Variants in AK5 observed in about 807,000 individuals in gnomAD.
AK5 encodes adenylate kinase isoenzyme 5.
A neutral mutation model predicts 69.5 loss-of-function variants in AK5; 27 were observed. The observed-to-expected ratio is 0.39, with a 90% CI of 0.29 to 0.54. The LOEUF (loss-of-function observed/expected upper bound fraction) is 0.54. Ranked by LOEUF, AK5 falls within the 20% of genes least tolerant of loss-of-function variation. The pLI is 0.71. For synonymous variants in AK5, 260 were observed against 244.4 expected (o/e 1.06, Z -0.60); for missense variants, 531 against 700.4 (o/e 0.76, Z 2.73).
chr1:77,400,440 TA>T (rs938094364), intron 6 of AK5, among the ~76,000 whole-genome samples: 1 of 152,194 alleles, frequency 6.6e-6, no homozygotes, highest in African/African-American at 2.4e-5. Flanking sequence ...TTAAAATTGA[TA>T]AAAAATGTAT....
chr1:77,369,132 T>C, intron 6 of AK5, among the ~76,000 whole-genome samples: 1 of 152,276 alleles, frequency 6.6e-6, no homozygotes, highest in Middle Eastern at 3.4e-3. Context: ...TTTAAAATGT[T>C]TTATAAAAAA....
At chr1:77,322,444 G>C (rs12095801) in intron 5 of AK5, among the ~76,000 whole-genome samples, 18,317 of 152,108 alleles carry the variant, frequency 0.12, 1,304 homozygotes, top group Middle Eastern at 0.23. Flanking sequence ...GGGGGTTGCT[G>C]AGTCATTGCA....
chr1:77,517,467 C>T (rs896993980), intron 10 of AK5, among the ~76,000 whole-genome samples: 1 of 152,204 alleles, frequency 6.6e-6, no homozygotes, highest in African/African-American at 2.4e-5. Context: ...ATGGATTTAA[C>T]TTCTCTGTGC....
At chr1:77,293,986 T>G in intron 3 of AK5, 26 bp downstream of exon 3, 2 of 1,595,324 alleles carry the variant, frequency 1.3e-6, no homozygotes, top group Non-Finnish European at 8.5e-7. Context: ...GCAAAAATTC[T>G]CATACCGTTG....
chr1:77,410,759 A>G (rs1649990066), intron 6 of AK5, among the ~76,000 whole-genome samples: 1 of 152,046 alleles, frequency 6.6e-6, no homozygotes, highest in Non-Finnish European at 1.5e-5. Flanking sequence ...ACTTTTTTTT[A>G]ACCATAAGTG....
intron 12 of AK5, among the ~76,000 whole-genome samples, chr1:77,528,798 C>T (rs144629459): frequency 1.4e-4 from 21 of 152,272 alleles, no homozygotes; most frequent in African/African-American, 5.1e-4. Flanking sequence ...AGCTGAGAAC[C>T]CCTGGTTATA....
chr1:77,478,734 C>T (rs888550634), intron 8 of AK5, among the ~76,000 whole-genome samples: 7 of 152,194 alleles, frequency 4.6e-5, no homozygotes, highest in Admixed American at 2.6e-4. Context: ...GTGAACCCAT[C>T]TGTGAGACTA....
intron 5 of AK5, among the ~76,000 whole-genome samples, chr1:77,322,190 G>T (rs1660570036): frequency 6.6e-6 from 1 of 152,204 alleles, no homozygotes; most frequent in Non-Finnish European, 1.5e-5. Flanking sequence ...TGCATCAGAA[G>T]AATGAATAGT....
At chr1:77,414,698 T>A (rs1201757010) in intron 7 of AK5, among the ~76,000 whole-genome samples, 1 of 152,178 alleles carries the variant, frequency 6.6e-6, no homozygotes, top group Non-Finnish European at 1.5e-5. Context: ...AATTGAAAAA[T>A]TCAAAACGGG....
At chr1:77,540,152 A>G (rs181570017) in intron 13 of AK5, among the ~76,000 whole-genome samples, 132 of 152,300 alleles carry the variant, frequency 8.7e-4, no homozygotes, top group African/African-American at 3.1e-3. Flanking sequence ...ATTTCAAACA[A>G]AGATAATTTT....
chr1:77,433,784 T>G (rs1039757549), intron 8 of AK5, among the ~76,000 whole-genome samples: 2 of 150,192 alleles, frequency 1.3e-5, no homozygotes, highest in East Asian at 4.1e-4. Flanking sequence ...GGCTATAAAA[T>G]TTTTTATCAG....
In AK5 at chr1:77,306,494, G is replaced by GT. The variant is rs869202567; in HGVS notation, c.699+8564dup. Among the ~76,000 whole-genome samples, 679 of 120,346 alleles carry GT rather than the reference G, an allele frequency of 5.6e-3. 8 individuals are homozygous for GT. Among genetic ancestry groups the GT allele is most frequent in the East Asian group, 0.049 (180 of 3,692 alleles). The allele number at this position is 120,346 out of a possible 152,430, so 79.0% of individuals were successfully genotyped here. ...AATTCAATTTGCTAGGTTTTTTTTT[G>GT]TTTTTTTTTTTTTTTTTGAGGATTT... On this transcript the variant is annotated intron_variant, in intron 5 of 13. Coordinates refer to ENST00000354567, the MANE Select transcript of AK5 (RefSeq NM_174858.3).
intron 6 of AK5, among the ~76,000 whole-genome samples, chr1:77,359,162 G>A (rs1031669660): frequency 2.6e-5 from 4 of 151,764 alleles, no homozygotes; most frequent in African/African-American, 9.7e-5. Context: ...GGCTGAGGCA[G>A]AAGAATGGCG....
rs750566495 is a variant in AK5 at position 77,417,643 on chromosome 1, A to C, written c.987A>C (p.Ser329=). The change falls in exon 8 of 14, where the codon TCA becomes TCC. Residue 329 remains serine (S), a synonymous_variant. Transcript: ENST00000354567. The part of the protein sequence containing the change: ...LFPNKEAAAG[S]SDLDPSMILD... ...TCTTTTCTTTCCTAATCTTAGGTTCAAGTGACCTTGATCCTTCGATGATAT... is the reference window on the plus strand; with the variant it reads ...TCTTTTCTTTCCTAATCTTAGGTTCCAGTGACCTTGATCCTTCGATGATAT... 3.7e-6 allele frequency: 6 copies of C among 1,604,566 alleles called. No homozygotes were observed. In the East Asian group the frequency reaches 1.1e-4, roughly 30 times the overall value.
intron 13 of AK5, among the ~76,000 whole-genome samples, chr1:77,547,067 C>G (rs1448141352): frequency 6.6e-6 from 1 of 152,176 alleles, no homozygotes; most frequent in Non-Finnish European, 1.5e-5. Flanking sequence ...TTTATTCATT[C>G]TTCCTGCATT....
In AK5 at chr1:77,559,336, A is replaced by AATTATTTT. The variant is rs879640196; in HGVS notation, c.*666_*667insATTATTTT. On this transcript the variant is annotated 3_prime_UTR_variant, in exon 14 of 14. Transcript: ENST00000354567. ...ATCAGTAACCTTCTCTATTATTATTATTTTTTAGAAACTTGGAATACTGTC... is the reference window on the plus strand; with the variant it reads ...ATCAGTAACCTTCTCTATTATTATTAATTATTTTTTTTTTAGAAACTTGGAATACTGTC... 1.4e-4 allele frequency: 21 copies of AATTATTTT among 152,230 alleles called. 2 individuals carry two copies. The highest frequency in any genetic ancestry group is 5.1e-4 in the African/African-American group (21 of 41,544). 9.4% of individuals were successfully genotyped at this position (152,230 alleles called of 1,614,324 possible).
chr1:77,412,380 T>G (rs1650103342), intron 7 of AK5, among the ~76,000 whole-genome samples: 1 of 152,128 alleles, frequency 6.6e-6, no homozygotes, highest in Non-Finnish European at 1.5e-5. Context: ...CTTTCTCCTC[T>G]CTGTACCTCA....
rs941084809 is a variant in AK5, at chr1:77,437,843, TTA to T, written c.1059+20130_1059+20131del. Among the ~76,000 whole-genome samples, 8 of 152,148 alleles carry T rather than the reference TTA, an allele frequency of 5.3e-5. No individual in the cohort carries two copies. The South Asian group carries it at 6.2e-4, about 12-fold the overall frequency. On this transcript the variant is annotated intron_variant, in intron 8 of 13. Coordinates refer to ENST00000354567, the MANE Select transcript of AK5 (RefSeq NM_174858.3). Reference sequence around the variant, plus strand: ...ACATACAGCAGACAAAGCAAAATTTTTATGTCAAAGATACCTTCTATTATTCC... The same window carrying T: ...ACATACAGCAGACAAAGCAAAATTTTTGTCAAAGATACCTTCTATTATTCC...
At chr1:77,367,578 T>TAA (rs1262708367) in intron 6 of AK5, among the ~76,000 whole-genome samples, 1 of 10,364 alleles carries the variant, frequency 9.6e-5, no homozygotes, top group African/African-American at 2.8e-4. Context: ...TATATATATA[T>TAA]AATATATATG....
Sources: gnomAD v4.1 joint callset for allele counts (sites outside exome capture counted in the v4.1 genomes callset) on GRCh38, gnomAD v4.1.1 for gene constraint, MANE v1.5 for transcripts, NCBI Gene and HGNC (gene_info 2026-07-23, HGNC 2026-07-21) for gene names.